Variants in CCDC73 observed in about 807,000 individuals in gnomAD.
CCDC73 encodes coiled-coil domain containing 73.
A neutral mutation model predicts 116.5 loss-of-function variants in CCDC73; 95 were observed. The ratio of observed to expected loss-of-function variants is 0.82; its 90% CI spans 0.69 to 0.97. The LOEUF (loss-of-function observed/expected upper bound fraction) is 0.97, where lower values mean the gene tolerates loss of function less well. Ranked by LOEUF, CCDC73 falls within the 50% of genes least tolerant of loss-of-function variation. CCDC73 has a pLI of 0.00. For synonymous variants in CCDC73, 398 were observed against 401.3 expected (o/e 0.99, Z 0.10); for missense variants, 1,066 against 1,206.8 (o/e 0.88, Z 1.73).
chr11:32,691,512 G>A (rs1856258458), intron 6 of CCDC73, among the ~76,000 whole-genome samples: 1 of 152,018 alleles, frequency 6.6e-6, no homozygotes, highest in Non-Finnish European at 1.5e-5. Flanking sequence ...ATCTTCTTTG[G>A]TGAGATGTCT....
At chr11:32,717,685 GA>G (rs920196992) in intron 3 of CCDC73, among the ~76,000 whole-genome samples, 7 of 151,838 alleles carry the variant, frequency 4.6e-5, no homozygotes, top group East Asian at 1.9e-4. Context: ...TAATCTGAGA[GA>G]AAAAAAATAC....
rs558694267 is a variant in CCDC73, at chr11:32,665,658, A to G, written c.645+9907T>C. On this transcript the variant is annotated intron_variant, in intron 9 of 17. Transcript: ENST00000335185. ...TAATTGGAGCATTTAGCCCATTTACATTTAAGGTTAATATTGTTATGTGTC... is the reference window on the plus strand; with the variant it reads ...TAATTGGAGCATTTAGCCCATTTACGTTTAAGGTTAATATTGTTATGTGTC... 1.4e-4 allele frequency among the ~76,000 whole-genome samples: 22 copies of G among 152,270 alleles called. No individual in the cohort carries two copies. The East Asian group carries it at 4.1e-3, about 28-fold the overall frequency.
intron 1 of CCDC73, among the ~76,000 whole-genome samples, chr11:32,770,308 G>T (rs1198170331): frequency 6.6e-6 from 1 of 152,108 alleles, no homozygotes; most frequent in Admixed American, 6.6e-5. Flanking sequence ...AGCTCATACA[G>T]TGTCAATTCT....
intron 2 of CCDC73, among the ~76,000 whole-genome samples, chr11:32,740,654 T>C (rs1850175273): frequency 6.6e-6 from 1 of 152,058 alleles, no homozygotes; most frequent in South Asian, 2.1e-4. Flanking sequence ...CTTTTTTGTA[T>C]TGTTTTTCTT....
At chr11:32,676,865 A>G (rs1227351704) in intron 7 of CCDC73, among the ~76,000 whole-genome samples, 2 of 152,220 alleles carry the variant, frequency 1.3e-5, no homozygotes, top group African/African-American at 4.8e-5. Context: ...GTCTACTTAA[A>G]CTGGAGACAT....
chr11:32,643,411 C>T (rs1855750190), intron 12 of CCDC73, among the ~76,000 whole-genome samples: 1 of 151,954 alleles, frequency 6.6e-6, no homozygotes, highest in Non-Finnish European at 1.5e-5. Context: ...CTGATAATTC[C>T]ATCATTAGGT....
the CCDC73 span, chr11:32,830,274 G>A: frequency 1.0e-6 from 1 of 953,672 alleles, no homozygotes; most frequent in Non-Finnish European, 1.4e-6. Flanking sequence ...AGGGTTGCCC[G>A]CGGCGACAGG....
intron 6 of CCDC73, among the ~76,000 whole-genome samples, chr11:32,691,849 C>T (rs1184291089): frequency 6.6e-6 from 1 of 152,040 alleles, no homozygotes; most frequent in Non-Finnish European, 1.5e-5. Flanking sequence ...GAGATGGAGA[C>T]CATCCTGGCT....
intron 1 of CCDC73, among the ~76,000 whole-genome samples, chr11:32,788,844 A>C (rs557482886): frequency 6.6e-6 from 1 of 152,320 alleles, no homozygotes; most frequent in East Asian, 1.9e-4. Context: ...AACTCAAGGC[A>C]TAGTAACACC....
At chr11:32,717,520 TCA>T (rs1164567072) in intron 3 of CCDC73, among the ~76,000 whole-genome samples, 2 of 152,246 alleles carry the variant, frequency 1.3e-5, no homozygotes, top group East Asian at 1.9e-4. Flanking sequence ...ATTCTTATTC[TCA>T]GTTTTCTGGA....
chr11:32,809,537 C>T, the CCDC73 span, among the ~76,000 whole-genome samples: 1 of 152,130 alleles, frequency 6.6e-6, no homozygotes, highest in South Asian at 2.1e-4. Flanking sequence ...GATCCTGGAG[C>T]CTAGATAATG....
At chr11:32,700,670 T>G (rs755991565) in intron 5 of CCDC73, 121 bp downstream of exon 5, 4 of 508,132 alleles carry the variant, frequency 7.9e-6, no homozygotes, top group African/African-American at 3.9e-5. Context: ...AGTTTGTTAC[T>G]AATGCTCTTT....
At chr11:32,814,982 C>T in the CCDC73 span, among the ~76,000 whole-genome samples, 2 of 152,076 alleles carry the variant, frequency 1.3e-5, no homozygotes, top group Non-Finnish European at 2.9e-5. Flanking sequence ...ATAGCCAAAT[C>T]CACACAGACA....
At chr11:32,811,310 T>G in the CCDC73 span, among the ~76,000 whole-genome samples, 3 of 152,222 alleles carry the variant, frequency 2.0e-5, no homozygotes, top group Admixed American at 6.5e-5. Context: ...TGCATGTGAA[T>G]GTACTCCTAA....
At chr11:32,774,272 C>T (rs1159640033) in intron 1 of CCDC73, among the ~76,000 whole-genome samples, 2 of 152,090 alleles carry the variant, frequency 1.3e-5, no homozygotes, top group African/African-American at 2.4e-5. Context: ...CCTTGCCTTA[C>T]AAAGTACCTG....
intron 1 of CCDC73, among the ~76,000 whole-genome samples, chr11:32,766,288 G>A (rs1364294106): frequency 2.0e-5 from 3 of 152,080 alleles, no homozygotes; most frequent in East Asian, 1.9e-4. Flanking sequence ...CAATAAATTC[G>A]GTATTGATGG....
chr11:32,730,229 T>A (rs549039617), intron 2 of CCDC73, among the ~76,000 whole-genome samples: 3 of 152,318 alleles, frequency 2.0e-5, no homozygotes, highest in Non-Finnish European at 4.4e-5. Flanking sequence ...CCTAAATTTC[T>A]CATGCATTCC....
intron 2 of CCDC73, among the ~76,000 whole-genome samples, chr11:32,740,351 A>C (rs1323635139): frequency 6.6e-6 from 1 of 151,956 alleles, no homozygotes; most frequent in South Asian, 2.1e-4. Flanking sequence ...GATACTTTTT[A>C]CTACAGCTTC....
chr11:32,803,162 C>T, the CCDC73 span, among the ~76,000 whole-genome samples: 8 of 152,080 alleles, frequency 5.3e-5, no homozygotes, highest in African/African-American at 1.9e-4. Context: ...GGCGTGATCT[C>T]GGCTCACTGC....
Sources: allele counts gnomAD v4.1 joint callset (sites outside exome capture counted in the v4.1 genomes callset), GRCh38; gene constraint gnomAD v4.1.1; transcripts MANE v1.5; gene names NCBI Gene and HGNC (gene_info 2026-07-23, HGNC 2026-07-21).